Variants in ANKRD44 observed in about 807,000 individuals in gnomAD.
ANKRD44 encodes the protein ankyrin repeat domain 44.
Under a neutral mutation model 116.0 loss-of-function variants are expected in ANKRD44, and 35 were observed. That is an observed-to-expected ratio of 0.30 (90% CI 0.23 to 0.40). The LOEUF (loss-of-function observed/expected upper bound fraction) is 0.40, where lower values mean the gene tolerates loss of function less well. Ranked by LOEUF, ANKRD44 falls within the 10% of genes least tolerant of loss-of-function variation. ANKRD44 has a pLI of 1.00. For synonymous variants in ANKRD44, 435 were observed against 461.8 expected (o/e 0.94, Z 0.74); for missense variants, 1,014 against 1,242.6 (o/e 0.82, Z 2.77).
intron 1 of ANKRD44, among the ~76,000 whole-genome samples, chr2:197,291,437 G>A (rs1239794668): frequency 6.6e-6 from 1 of 152,134 alleles, no homozygotes; most frequent in Non-Finnish European, 1.5e-5. Flanking sequence ...TTGAACCCAG[G>A]AGGCGGAGGC....
chr2:197,118,637 G>GAGAGAGAGAGAGAGAAAGAAAGAAAGAA (rs773839262), intron 8 of ANKRD44, among the ~76,000 whole-genome samples: 1 of 112,358 alleles, frequency 8.9e-6, no homozygotes, highest in East Asian at 2.4e-4. Context: ...GAGAGAGAGA[G>GAGAGAGAGAGAGAGAAAGAAAGAAAGAA]AGAAAGAAAG....
At chr2:197,262,898 CT>C (rs372702105) in intron 1 of ANKRD44, among the ~76,000 whole-genome samples, 6,100 of 151,976 alleles carry the variant, frequency 0.04, 209 homozygotes, top group Admixed American at 0.11. Context: ...CAGTGAGATT[CT>C]TTTAAAAAAA....
intron 3 of ANKRD44, among the ~76,000 whole-genome samples, chr2:197,138,274 AG>A (rs1341715559): frequency 6.6e-6 from 1 of 152,226 alleles, no homozygotes; most frequent in Non-Finnish European, 1.5e-5. Context: ...AGATTTCCAA[AG>A]GAAGTGAAAG....
intron 16 of ANKRD44, among the ~76,000 whole-genome samples, chr2:197,061,490 T>C (rs989446637): frequency 1.3e-5 from 2 of 152,172 alleles, no homozygotes; most frequent in Non-Finnish European, 2.9e-5. Context: ...AAGATACCAC[T>C]ACAGAAAGTA....
intron 1 of ANKRD44, among the ~76,000 whole-genome samples, chr2:197,248,459 TTA>T (rs374995910): frequency 1.3e-5 from 2 of 150,946 alleles, no homozygotes; most frequent in African/African-American, 4.9e-5. Flanking sequence ...ATTAAAAAAA[TTA>T]TATATATATA....
rs1461706663 is a variant in ANKRD44 at position 197,212,399 on chromosome 2, T to C, written c.28-25293A>G. ...TCTGCACTAAATATTTGAACCCCTA[T>C]GTATTTAATGGTTATCTAGTCAGTC... On this transcript the variant is annotated intron_variant, in intron 1 of 27. Coordinates refer to ENST00000282272, the MANE Select transcript of ANKRD44 (RefSeq NM_001195144.2). This position sits in a 1 kb window ranked among gnomAD's most constrained non-coding sequence, Gnocchi z 4.8. Among the ~76,000 whole-genome samples the C allele has an allele frequency of 6.6e-6, 1 of 152,178 alleles. No individual in the cohort carries two copies. Among genetic ancestry groups the C allele is most frequent in the Non-Finnish European group, 1.5e-5 (1 of 68,030 alleles).
At chr2:197,035,293 G>C (rs1274488829) in intron 16 of ANKRD44, among the ~76,000 whole-genome samples, 2 of 152,066 alleles carry the variant, frequency 1.3e-5, no homozygotes, top group African/African-American at 4.8e-5. Flanking sequence ...TGAAAACATG[G>C]CAGGGAAAAA....
At chr2:197,083,675 C>T (rs548366051) in intron 13 of ANKRD44, among the ~76,000 whole-genome samples, 166 bp from the exon 14 acceptor site, 1 of 152,306 alleles carries the variant, frequency 6.6e-6, no homozygotes, top group Non-Finnish European at 1.5e-5. Flanking sequence ...TTAGGTATCC[C>T]TTATCTGAAA....
intron 8 of ANKRD44, among the ~76,000 whole-genome samples, chr2:197,117,884 G>A (rs1220564733): frequency 6.6e-6 from 1 of 151,982 alleles, no homozygotes; most frequent in African/African-American, 2.4e-5. Flanking sequence ...TTTTTCAAAA[G>A]TGAAAATAGC....
intron 11 of ANKRD44, among the ~76,000 whole-genome samples, chr2:197,089,293 T>C (rs554682975): frequency 1.3e-5 from 2 of 152,278 alleles, no homozygotes; most frequent in South Asian, 4.1e-4. Flanking sequence ...AAAAAATGCC[T>C]CTGGGATATC....
At chr2:196,974,586 A>T (rs1023800029) in intron 21 of ANKRD44, among the ~76,000 whole-genome samples, 5 of 151,996 alleles carry the variant, frequency 3.3e-5, no homozygotes, top group Non-Finnish European at 5.9e-5. Context: ...TAACCTAACA[A>T]CCTTAAGAAA....
chr2:197,143,156 T>C (rs2079410160), intron 3 of ANKRD44, among the ~76,000 whole-genome samples: 1 of 149,550 alleles, frequency 6.7e-6, no homozygotes, highest in African/African-American at 2.4e-5. Context: ...GATCTTTTTT[T>C]TTTTTTTGAG....
At chr2:197,023,408 T>A (rs1306648591) in intron 17 of ANKRD44, among the ~76,000 whole-genome samples, 1 of 152,182 alleles carries the variant, frequency 6.6e-6, no homozygotes, top group African/African-American at 2.4e-5. Flanking sequence ...ATGAAAAGAA[T>A]GGCAGCTAGG....
intron 1 of ANKRD44, among the ~76,000 whole-genome samples, chr2:197,276,229 C>T (rs4850783): frequency 0.39 from 56,272 of 145,672 alleles, 11,389 homozygotes; most frequent in East Asian, 0.64. Flanking sequence ...GGGCTGAAAT[C>T]ATGCCACCGC....
chr2:197,042,772 C>A (rs541186198), intron 16 of ANKRD44, among the ~76,000 whole-genome samples: 2 of 152,316 alleles, frequency 1.3e-5, no homozygotes, highest in East Asian at 3.9e-4. Context: ...AGGCATCCAG[C>A]AATTCTGAAA....
chr2:197,007,906 G>A lies in ANKRD44; in HGVS notation c.2030C>T (p.Ala677Val). ...AGCGTCAATATGTCCATATGCTACT[G>A]CAAGCATCAGTGGTGTTCTAGGCAG... ...DAKGQTPLML[A>V]VAYGHIDAVS... Residue 677 changes from alanine to valine, a missense_variant, in exon 20 of 28, where the codon GCA becomes GTA. Ala to Val is a moderately conservative substitution (Grantham distance 64). Transcript: ENST00000282272. 1 of 1,613,474 alleles carries A rather than the reference G, an allele frequency of 6.2e-7. No individual in the cohort carries two copies. Among genetic ancestry groups the A allele is most frequent in the Non-Finnish European group, 8.5e-7 (1 of 1,179,504 alleles).
intron 1 of ANKRD44, among the ~76,000 whole-genome samples, chr2:197,284,631 A>AT (rs1382536679): frequency 2.6e-5 from 4 of 152,050 alleles, no homozygotes; most frequent in African/African-American, 9.7e-5. Flanking sequence ...CATGCCTATA[A>AT]TCCCAAAACT....
chr2:196,980,662 C>G (rs1574213498), intron 21 of ANKRD44, among the ~76,000 whole-genome samples: 1 of 152,200 alleles, frequency 6.6e-6, no homozygotes, highest in Admixed American at 6.5e-5. Context: ...TTCTGCAGCT[C>G]TTTGCCATCT....
chr2:197,125,544 G>A (rs1261888089), intron 5 of ANKRD44, 76 bp from the exon 6 acceptor site: 1 of 1,333,452 alleles, frequency 7.5e-7, no homozygotes, highest in East Asian at 2.3e-5. Context: ...CAGATGATCT[G>A]AGCCAAATTA....
Sources: gnomAD v4.1 joint callset for allele counts (sites outside exome capture counted in the v4.1 genomes callset) on GRCh38, gnomAD v4.1.1 for gene constraint, Gnocchi (gnomAD v3.1) non-coding constraint, MANE v1.5 for transcripts, NCBI Gene and HGNC (gene_info 2026-07-23, HGNC 2026-07-21) for gene names.